Variants in PKIA observed in about 807,000 individuals in gnomAD.
PKIA encodes cAMP-dependent protein kinase inhibitor alpha.
A neutral mutation model predicts 7.6 loss-of-function variants in PKIA; 4 were observed. The observed-to-expected ratio is 0.52, with a 90% CI of 0.26 to 1.20. The LOEUF (loss-of-function observed/expected upper bound fraction) is 1.20, where lower values mean the gene tolerates loss of function less well. Ranked by LOEUF, PKIA falls within the 50% of genes most tolerant of loss-of-function variation. The pLI is 0.13. For missense variants in PKIA, 73 were observed against 86.2 expected, an observed-to-expected ratio of 0.85 and a Z score of 0.61; for synonymous variants, 21 against 30.7, an observed-to-expected ratio of 0.68 and a Z score of 1.04.
At chr8:78,538,113 A>T (rs1806582814) in intron 1 of PKIA, among the ~76,000 whole-genome samples, 1 of 151,868 alleles carries the variant, frequency 6.6e-6, no homozygotes. Context: ...GCTGACATAT[A>T]ACCCCCATAC....
chr8:78,587,599 C>G (rs1484741403), intron 2 of PKIA, among the ~76,000 whole-genome samples: 1 of 151,976 alleles, frequency 6.6e-6, no homozygotes, highest in Non-Finnish European at 1.5e-5. Flanking sequence ...AAAGCCCTAG[C>G]AAAAGGACAG....
intron 1 of PKIA, among the ~76,000 whole-genome samples, chr8:78,532,391 G>A (rs894134603): frequency 2.0e-5 from 3 of 151,590 alleles, no homozygotes; most frequent in African/African-American, 4.8e-5. Context: ...GCTCACCCCT[G>A]CTCATTTCTA....
Position 78,517,037 on chromosome 8 carries a change from A to G in PKIA, c.-157+569A>G, listed in dbSNP as rs572867541. 2.6e-5 allele frequency among the ~76,000 whole-genome samples: 4 copies of G among 152,320 alleles called. No individual in the cohort carries two copies. In the East Asian group the frequency reaches 5.8e-4, roughly 22 times the overall value. ...CAGCTTGGGTTGAGCAGCACTTGAC[A>G]TCGCTTCTTCCTTCAATTGCCATTT... is the stretch of plus-strand genomic sequence containing the variant. On this transcript the variant is annotated intron_variant, in intron 1 of 3. Coordinates refer to ENST00000396418, the MANE Select transcript of PKIA (RefSeq NM_006823.4).
chr8:78,548,059 A>G (rs1167234415), intron 1 of PKIA, among the ~76,000 whole-genome samples: 1 of 151,106 alleles, frequency 6.6e-6, no homozygotes, highest in African/African-American at 2.4e-5. Context: ...GATAAATAGT[A>G]TGAAATAAGT....
At chr8:78,539,742 AAAATT>A (rs1250344024) in intron 1 of PKIA, among the ~76,000 whole-genome samples, 3 of 152,072 alleles carry the variant, frequency 2.0e-5, no homozygotes, top group African/African-American at 7.2e-5. Flanking sequence ...TTTAAAGGGT[AAAATT>A]AATTAAAGAA....
intron 1 of PKIA, among the ~76,000 whole-genome samples, chr8:78,524,888 C>A (rs1380179267): frequency 1.3e-5 from 2 of 151,786 alleles, no homozygotes; most frequent in African/African-American, 4.8e-5. Flanking sequence ...CAGGAGATTA[C>A]AAAACATTAG....
chr8:78,575,853 A>AAAT (rs1294630031), intron 2 of PKIA, among the ~76,000 whole-genome samples: 1 of 152,000 alleles, frequency 6.6e-6, no homozygotes, highest in Non-Finnish European at 1.5e-5. Flanking sequence ...TGCCATAACA[A>AAAT]AATATCACAG....
At chr8:78,546,052 C>A (rs1013368929) in intron 1 of PKIA, among the ~76,000 whole-genome samples, 1 of 152,184 alleles carries the variant, frequency 6.6e-6, no homozygotes, top group Admixed American at 6.5e-5. Context: ...ACCTAGCTCA[C>A]TAGCCACAGA....
At chr8:78,542,083 A>G (rs1212294011) in intron 1 of PKIA, among the ~76,000 whole-genome samples, 2 of 152,086 alleles carry the variant, frequency 1.3e-5, no homozygotes, top group Non-Finnish European at 2.9e-5. Flanking sequence ...TGATTGCTTG[A>G]GCCTGAAAGA....
chr8:78,582,898 C>G (rs899789715), intron 2 of PKIA, among the ~76,000 whole-genome samples: 4 of 152,106 alleles, frequency 2.6e-5, no homozygotes, highest in African/African-American at 9.7e-5. Context: ...CCATGTCAGG[C>G]CATGTAACAA....
rs1033128577 is a variant in PKIA, at chr8:78,543,716, G to A, written c.-157+27248G>A. Among the ~76,000 whole-genome samples, 50 of 152,166 alleles carry A rather than the reference G, an allele frequency of 3.3e-4. 1 individual carries two copies. Among genetic ancestry groups the A allele is most frequent in the African/African-American group, 1.2e-3 (48 of 41,448 alleles). ...AGTTTTCCTCCGTCACCTACCTGGA[G>A]ATTGTTTTCCAATGCTAAAATCAGG... is the stretch of plus-strand genomic sequence containing the variant. On this transcript the variant is annotated intron_variant, in intron 1 of 3. Transcript: ENST00000396418.
chr8:78,601,316 G>T (rs1418328435), intron 3 of PKIA, among the ~76,000 whole-genome samples: 2 of 152,074 alleles, frequency 1.3e-5, no homozygotes, highest in Admixed American at 1.3e-4. Flanking sequence ...AGAAAATGCA[G>T]TTTTAAAATA....
At chr8:78,581,899 G>A (rs910562976) in intron 2 of PKIA, among the ~76,000 whole-genome samples, 30 of 152,198 alleles carry the variant, frequency 2.0e-4, no homozygotes, top group African/African-American at 5.3e-4. Context: ...TGTAGGAAGC[G>A]TTTGGGGTTG....
chr8:78,587,643 C>T lies in PKIA; in HGVS notation c.-27-10715C>T, dbSNP rs117113008. On this transcript the variant is annotated intron_variant, in intron 2 of 3. Coordinates refer to ENST00000396418, the MANE Select transcript of PKIA (RefSeq NM_006823.4). ...ATTCCATGCTTTAATTTGCTACTTT[C>T]GTCATATATATTTGATAAAAAACTT... 5.1e-3 allele frequency among the ~76,000 whole-genome samples: 770 copies of T among 152,078 alleles called. 5 individuals are homozygous for T. Among genetic ancestry groups the T allele is most frequent in the Non-Finnish European group, 8.9e-3 (604 of 68,004 alleles).
chr8:78,571,341 A>AT (rs1807542238), intron 1 of PKIA, among the ~76,000 whole-genome samples: 4 of 152,138 alleles, frequency 2.6e-5, no homozygotes, highest in Admixed American at 2.0e-4. Flanking sequence ...TTAATACCCC[A>AT]TTGCCACTGT....
intron 2 of PKIA, among the ~76,000 whole-genome samples, chr8:78,596,471 C>A (rs1413607313): frequency 6.6e-6 from 1 of 152,060 alleles, no homozygotes; most frequent in Non-Finnish European, 1.5e-5. Context: ...ACTCCTGACC[C>A]CAGGTGATCC....
intron 1 of PKIA, among the ~76,000 whole-genome samples, chr8:78,559,601 C>A (rs1458327422): frequency 6.6e-6 from 1 of 152,152 alleles, no homozygotes; most frequent in Admixed American, 6.5e-5. Context: ...ATCTCAAGTT[C>A]TCTTTCAAAT....
At chr8:78,577,593 A>C (rs1277933081) in intron 2 of PKIA, among the ~76,000 whole-genome samples, 1 of 151,958 alleles carries the variant, frequency 6.6e-6, no homozygotes, top group Non-Finnish European at 1.5e-5. Context: ...AAATTTACTA[A>C]GTTGTATTCA....
chr8:78,563,969 C>A (rs560415031), intron 1 of PKIA, among the ~76,000 whole-genome samples: 63 of 152,186 alleles, frequency 4.1e-4, no homozygotes, highest in Admixed American at 3.5e-3. Context: ...ATAACCACTA[C>A]ATACAGTGTG....
Sources: allele counts gnomAD v4.1 joint callset (sites outside exome capture counted in the v4.1 genomes callset), GRCh38; gene constraint gnomAD v4.1.1; transcripts MANE v1.5; gene names NCBI Gene and HGNC (gene_info 2026-07-23, HGNC 2026-07-21).